DLG2: variants seen among roughly 807,000 people sequenced by gnomAD.
DLG2 encodes the protein disks large homolog 2.
Under a neutral mutation model 132.5 loss-of-function variants are expected in DLG2, and 45 were observed. The ratio of observed to expected loss-of-function variants is 0.34; its 90% confidence interval spans 0.27 to 0.44. DLG2 has a LOEUF of 0.44. Ranked by LOEUF, DLG2 falls within the 20% of genes least tolerant of loss-of-function variation. DLG2 has a pLI of 1.00. For missense variants in DLG2, 1,045 were observed against 1,196.9 expected, an observed-to-expected ratio of 0.87 and a Z score of 1.87; for synonymous variants, 424 against 419.6, an observed-to-expected ratio of 1.01 and a Z score of -0.13.
At chr11:84,204,452 C>A (rs1044841566) in intron 8 of DLG2, among the ~76,000 whole-genome samples, 1 of 151,672 alleles carries the variant, frequency 6.6e-6, no homozygotes, top group Non-Finnish European at 1.5e-5. Context: ...AAAATTAATA[C>A]AAGAAAAATT....
At chr11:85,547,369 A>G (rs2076401087) in intron 3 of DLG2, among the ~76,000 whole-genome samples, 1 of 152,158 alleles carries the variant, frequency 6.6e-6, no homozygotes, top group South Asian at 2.1e-4. Context: ...CTGTTAGTCT[A>G]TGGGCTTCCC....
chr11:83,887,042 G>C (rs995666512), intron 15 of DLG2, among the ~76,000 whole-genome samples: 6 of 152,072 alleles, frequency 3.9e-5, no homozygotes, highest in Non-Finnish European at 7.4e-5. Context: ...AAAAGAACTA[G>C]AAAAGCAAGA....
chr11:84,799,417 G>A (rs1037955395), intron 6 of DLG2, among the ~76,000 whole-genome samples: 3 of 152,176 alleles, frequency 2.0e-5, no homozygotes, highest in African/African-American at 7.2e-5. Context: ...AGGGGTGGAA[G>A]AGGGGTGTCT....
intron 3 of DLG2, among the ~76,000 whole-genome samples, chr11:85,392,056 A>G (rs548884418): frequency 3.9e-4 from 60 of 152,282 alleles, no homozygotes; most frequent in African/African-American, 1.4e-3. Context: ...CTCCTCCAGG[A>G]AGCTCCTAGA....
chr11:84,979,767 G>A (rs1236526870), intron 6 of DLG2, among the ~76,000 whole-genome samples: 2 of 151,836 alleles, frequency 1.3e-5, no homozygotes, highest in African/African-American at 4.8e-5. Flanking sequence ...TAACAAACCT[G>A]CATGTTGTGC....
intron 6 of DLG2, among the ~76,000 whole-genome samples, chr11:84,760,423 T>G (rs1273404308): frequency 2.6e-5 from 4 of 152,212 alleles, no homozygotes; most frequent in Admixed American, 2.0e-4. Flanking sequence ...TACCAAATGT[T>G]ACAGGTTTAC....
chr11:85,098,020 T>C (rs994407832), intron 6 of DLG2, among the ~76,000 whole-genome samples: 1 of 152,198 alleles, frequency 6.6e-6, no homozygotes, highest in Admixed American at 6.5e-5. Flanking sequence ...GAATAAGTAC[T>C]CTAATCAATG....
At chr11:83,485,954 C>G (rs1185835453) in intron 21 of DLG2, among the ~76,000 whole-genome samples, 1 of 151,812 alleles carries the variant, frequency 6.6e-6, no homozygotes, top group Non-Finnish European at 1.5e-5. Context: ...AATAATGAAC[C>G]AAATAATTAA....
chr11:84,524,763 T>G (rs569449977), intron 7 of DLG2, among the ~76,000 whole-genome samples: 1 of 152,030 alleles, frequency 6.6e-6, no homozygotes, highest in Non-Finnish European at 1.5e-5. Context: ...AAACATTATG[T>G]CTAGAAAGGA....
chr11:84,664,713 G>A (rs958305444), intron 6 of DLG2, among the ~76,000 whole-genome samples: 4 of 152,200 alleles, frequency 2.6e-5, no homozygotes, highest in Non-Finnish European at 4.4e-5. Flanking sequence ...TTTCAGAGAT[G>A]CTCTGGCTGT....
At chr11:84,375,262 G>C (rs1366971672) in intron 7 of DLG2, among the ~76,000 whole-genome samples, 1 of 152,058 alleles carries the variant, frequency 6.6e-6, no homozygotes, top group Non-Finnish European at 1.5e-5. Context: ...TGTTTAATTA[G>C]TGCTTGGAAC....
chr11:85,027,452 T>C (rs561539807), intron 6 of DLG2, among the ~76,000 whole-genome samples: 57 of 152,274 alleles, frequency 3.7e-4, no homozygotes, highest in African/African-American at 1.4e-3. Context: ...TGCCTGAGTA[T>C]TGCTCGCGCC....
intron 6 of DLG2, among the ~76,000 whole-genome samples, chr11:84,974,653 C>T (rs1415498643): frequency 4.6e-5 from 7 of 152,184 alleles, no homozygotes; most frequent in Non-Finnish European, 7.3e-5. Flanking sequence ...AAGAGTGCTA[C>T]TGCATCTCTA....
intron 3 of DLG2, among the ~76,000 whole-genome samples, chr11:85,356,525 TA>T (rs2083705191): frequency 6.6e-6 from 1 of 152,210 alleles, no homozygotes; most frequent in Non-Finnish European, 1.5e-5. Context: ...AGACCTATTA[TA>T]GTGAGACATT....
At chr11:84,956,916 G>A (rs1337125780) in intron 6 of DLG2, among the ~76,000 whole-genome samples, 1 of 152,116 alleles carries the variant, frequency 6.6e-6, no homozygotes, top group Non-Finnish European at 1.5e-5. Flanking sequence ...TATAAAATCA[G>A]TTGCATTTTC....
intron 3 of DLG2, among the ~76,000 whole-genome samples, chr11:85,483,618 T>C (rs1407203835): frequency 6.6e-6 from 1 of 152,222 alleles, no homozygotes; most frequent in Non-Finnish European, 1.5e-5. Context: ...AAATCACTTA[T>C]AACTTTAGTA....
At chr11:85,370,967 G>C (rs1238356467) in intron 3 of DLG2, among the ~76,000 whole-genome samples, 4 of 152,122 alleles carry the variant, frequency 2.6e-5, no homozygotes, top group Non-Finnish European at 5.9e-5. Context: ...ACATTGTTAT[G>C]TTAAGTTATT....
chr11:85,561,861 T>C (rs78711540), intron 3 of DLG2, among the ~76,000 whole-genome samples: 2 of 151,904 alleles, frequency 1.3e-5, no homozygotes, highest in African/African-American at 4.8e-5. Flanking sequence ...GTTACTATGC[T>C]AACCATTCAC....
intron 6 of DLG2, among the ~76,000 whole-genome samples, chr11:84,971,060 T>C (rs2154114537): frequency 6.6e-6 from 1 of 152,300 alleles, no homozygotes; most frequent in East Asian, 1.9e-4. Flanking sequence ...GCTATGGTGA[T>C]CCAAGACCTG....
Sources: gnomAD v4.1 joint callset for allele counts (sites outside exome capture counted in the v4.1 genomes callset) on GRCh38, gnomAD v4.1.1 for gene constraint, MANE v1.5 for transcripts, NCBI Gene and HGNC (gene_info 2026-07-23, HGNC 2026-07-21) for gene names.